TIMM23B: variants seen among roughly 807,000 people sequenced by gnomAD.
TIMM23B encodes the protein mitochondrial import inner membrane translocase subunit Tim23B.
In TIMM23B, 27 loss-of-function variants were observed where a neutral mutation model predicts 27.3. The observed-to-expected ratio is 0.99, with a 90% CI of 0.73 to 1.36. TIMM23B has a LOEUF of 1.36. TIMM23B is among the 40% of genes most tolerant of loss of function. The pLI, the probability that TIMM23B is intolerant of heterozygous loss-of-function variation, is 0.00. For missense variants in TIMM23B, 205 were observed against 244.2 expected (o/e 0.84, Z 1.07); for synonymous variants, 73 against 92.4 (o/e 0.79, Z 1.21).
At chr10:49,942,368 C>G in intron 1 of TIMM23B, 68 bp downstream of exon 1, 1 of 1,557,930 alleles carries the variant, frequency 6.4e-7, no homozygotes, top group Non-Finnish European at 8.7e-7. Flanking sequence ...GTTGCGCGTC[C>G]CATGTTTTAT....
At chr10:49,949,872 A>G (rs1589030966) in intron 2 of TIMM23B, among the ~76,000 whole-genome samples, 1 of 150,994 alleles carries the variant, frequency 6.6e-6, no homozygotes, top group Non-Finnish European at 1.5e-5. Flanking sequence ...AATAGTAGAC[A>G]CAGGGTCTCA....
intron 1 of TIMM23B, chr10:49,943,213 T>G (rs1230336622): frequency 2.7e-5 from 4 of 148,344 alleles, no homozygotes; most frequent in East Asian, 2.0e-4. Context: ...TTTTGTTTCG[T>G]TTTTTTTTTG....
At chr10:49,956,295 A>G (rs1180469860) in intron 5 of TIMM23B, among the ~76,000 whole-genome samples, 119 of 152,030 alleles carry the variant, frequency 7.8e-4, no homozygotes, top group Non-Finnish European at 1.6e-3. Context: ...TTCATTCCAG[A>G]TAGGAATCTG....
rs1158733330 is a variant in TIMM23B, at chr10:49,947,611, A to AAAATAAAT, written c.165+2537_165+2544dup. ...GGCAACAGAGTAAGACTCGGTCTCA[A>AAAATAAAT]AAATAAATAAATAAATAAATAAAGA... On this transcript the variant is annotated intron_variant, in intron 2 of 6. Transcript: ENST00000651259. Among the ~76,000 whole-genome samples the AAAATAAAT allele has an allele frequency of 1.1e-4, 16 of 151,438 alleles. 1 individual carries two copies. The highest frequency in any genetic ancestry group is 1.5e-4 in the African/African-American group (6 of 41,108).
intron 5 of TIMM23B, among the ~76,000 whole-genome samples, chr10:49,957,634 G>C (rs1163618666): frequency 6.6e-6 from 1 of 152,092 alleles, no homozygotes; most frequent in Non-Finnish European, 1.5e-5. Context: ...CCTGAGTGCA[G>C]GAGCTTTCAT....
intron 5 of TIMM23B, 141 bp downstream of exon 5, chr10:49,955,201 A>G (rs1839674617): frequency 1.1e-6 from 1 of 891,520 alleles, no homozygotes; most frequent in African/African-American, 1.7e-5. Flanking sequence ...CATAATGTAG[A>G]TACTACTTAG....
At chr10:49,968,577 G>A (rs1157870800) in intron 6 of TIMM23B, among the ~76,000 whole-genome samples, 10 of 152,256 alleles carry the variant, frequency 6.6e-5, no homozygotes, top group Admixed American at 2.0e-4. Context: ...GCTCATGTCT[G>A]TAATCCCAGC....
chr10:49,943,076 G>A (rs1433090828), intron 1 of TIMM23B, among the ~76,000 whole-genome samples: 2 of 152,144 alleles, frequency 1.3e-5, no homozygotes, highest in Admixed American at 1.3e-4. Context: ...ATTTCTCTAG[G>A]TATTTTATAC....
chr10:49,966,245 A>C (rs1366136273), intron 6 of TIMM23B, among the ~76,000 whole-genome samples: 1 of 152,076 alleles, frequency 6.6e-6, no homozygotes, highest in African/African-American at 2.4e-5. Flanking sequence ...GGCGCACTCC[A>C]GCTTTGGGCA....
At chr10:49,943,836 T>G (rs61847106) in intron 1 of TIMM23B, among the ~76,000 whole-genome samples, 9 of 150,480 alleles carry the variant, frequency 6.0e-5, no homozygotes, top group African/African-American at 2.2e-4. Context: ...AAACATTGCC[T>G]TTAGTGATAA....
chr10:49,961,829 T>C (rs1475102118), intron 6 of TIMM23B, among the ~76,000 whole-genome samples: 1 of 149,730 alleles, frequency 6.7e-6, no homozygotes, highest in Non-Finnish European at 1.5e-5. Context: ...CAGGCTGGCC[T>C]CAAGCAATCC....
chr10:49,965,972 G>C (rs1363719461), intron 6 of TIMM23B, among the ~76,000 whole-genome samples: 2 of 147,130 alleles, frequency 1.4e-5, no homozygotes, highest in Admixed American at 1.4e-4. Flanking sequence ...TGAAATGCTG[G>C]GTGAAATGAA....
chr10:49,954,995 C>G lies in TIMM23B; in HGVS notation c.345-7C>G. 1 of 1,612,474 alleles carries G rather than the reference C, an allele frequency of 6.2e-7. No individual in the cohort carries two copies. Among genetic ancestry groups the G allele is most frequent in the Non-Finnish European group, 8.5e-7 (1 of 1,178,892 alleles). Reference sequence around the variant, plus strand: ...AATACAGATTCTTTCTCTTTCTGCCCTGATAGGATTTTGAATATGGTGACT... The same window carrying G: ...AATACAGATTCTTTCTCTTTCTGCCGTGATAGGATTTTGAATATGGTGACT... On this transcript the variant is annotated splice_polypyrimidine_tract_variant and splice_region_variant and intron_variant, in intron 4 of 6. Transcript: ENST00000651259.
intron 2 of TIMM23B, among the ~76,000 whole-genome samples, chr10:49,951,566 T>C (rs1265606178): frequency 6.6e-6 from 1 of 152,168 alleles, no homozygotes; most frequent in Non-Finnish European, 1.5e-5. Context: ...CCACATTTTG[T>C]GTATGCAATT....
chr10:49,952,478 C>T lies in TIMM23B; in HGVS notation c.289C>T (p.Arg97Trp), dbSNP rs1387012443. Residue 97 changes from arginine to tryptophan, a missense_variant, in exon 4 of 7, where the codon CGG (arginine) becomes TGG (tryptophan). By Grantham distance (101) the Arg-to-Trp change is moderately radical. Coordinates refer to ENST00000651259, the MANE Select transcript of TIMM23B (RefSeq NM_001290117.2). ...GAAFGAMNGL[R>W]LGLKETQNMA... Reference sequence around the variant, plus strand: ...TGCGTTTGGGGCAATGAATGGTCTTCGGCTAGGATTGAAGGAAACCCAGAA... The same window carrying T: ...TGCGTTTGGGGCAATGAATGGTCTTTGGCTAGGATTGAAGGAAACCCAGAA... 628 of 1,612,874 alleles carry T rather than the reference C, an allele frequency of 3.9e-4. 2 individuals carry two copies. Among genetic ancestry groups the T allele is most frequent in the East Asian group, 2.9e-3 (130 of 44,858 alleles).
chr10:49,951,443 G>A (rs1484955295), intron 2 of TIMM23B, among the ~76,000 whole-genome samples: 2 of 151,020 alleles, frequency 1.3e-5, no homozygotes, highest in Non-Finnish European at 2.9e-5. Flanking sequence ...GTGTTTTTTT[G>A]AGTGTGTTTT....
At chr10:49,968,624 G>A (rs1840276194) in intron 6 of TIMM23B, among the ~76,000 whole-genome samples, 1 of 152,196 alleles carries the variant, frequency 6.6e-6, no homozygotes, top group South Asian at 2.1e-4. Flanking sequence ...CACAAGGTCA[G>A]GAGATTGAGA....
chr10:49,966,717 T>G (rs1393793183), intron 6 of TIMM23B, among the ~76,000 whole-genome samples: 1 of 151,918 alleles, frequency 6.6e-6, no homozygotes. Context: ...CCCAGCTACT[T>G]GGGAGGCAGA....
intron 6 of TIMM23B, among the ~76,000 whole-genome samples, chr10:49,964,652 A>G (rs1840056262): frequency 6.6e-6 from 1 of 151,206 alleles, no homozygotes; most frequent in Admixed American, 6.6e-5. Context: ...AAATGATGAA[A>G]TGAAATAATG....
Sources: allele counts gnomAD v4.1 joint callset (sites outside exome capture counted in the v4.1 genomes callset), GRCh38; gene constraint gnomAD v4.1.1; transcripts MANE v1.5; gene names NCBI Gene and HGNC (gene_info 2026-07-23, HGNC 2026-07-21).